The following NRK variants were observed in gnomAD, a reference collection of about 807,000 sequenced individuals.
NRK encodes nik-related protein kinase.
A neutral mutation model predicts 125.2 loss-of-function variants in NRK; 67 were observed. The ratio of observed to expected loss-of-function variants is 0.54; its 90% CI spans 0.44 to 0.66. The LOEUF (loss-of-function observed/expected upper bound fraction) is 0.66. Among genes scored for constraint, NRK ranks in the 30% least tolerant of loss-of-function variants. The probability of loss-of-function intolerance (pLI) is 0.00; values close to 1 mark genes in which losing one functional copy is unlikely to be tolerated. For synonymous variants in NRK, 458 were observed against 429.0 expected, an observed-to-expected ratio of 1.07 and a Z score of -0.84; for missense variants, 1,224 against 1,192.9, an observed-to-expected ratio of 1.03 and a Z score of -0.38.
At chrX:105,822,369 TA>T (rs1225377068), upstream of NRK, among the ~76,000 whole-genome samples, 1 of 111,896 alleles carries the variant, frequency 8.9e-6, no homozygotes, top group Non-Finnish European at 1.9e-5. Flanking sequence ...CAAACCGTTA[TA>T]GTCCTTCAGC....
chrX:105,823,163 A>C (rs2039046397), intron 1 of NRK, among the ~76,000 whole-genome samples: 1 of 112,313 alleles, frequency 8.9e-6, no homozygotes, highest in Non-Finnish European at 1.9e-5. Context: ...GGTGCTGCGG[A>C]CCCTAAACAG....
intron 5 of NRK, among the ~76,000 whole-genome samples, chrX:105,893,453 G>A (rs948935724): frequency 4.5e-5 from 5 of 111,664 alleles, no homozygotes; most frequent in African/African-American, 1.6e-4. Flanking sequence ...TCCCATTCCA[G>A]TCGTCACTTA....
At chrX:105,897,042 G>GA (rs1211477654) in intron 7 of NRK, among the ~76,000 whole-genome samples, 1 of 112,047 alleles carries the variant, frequency 8.9e-6, no homozygotes, top group East Asian at 2.8e-4. Context: ...GTATGTAAAT[G>GA]AAAAACCACT....
At chrX:105,876,998 G>T (rs758837540) in intron 2 of NRK, among the ~76,000 whole-genome samples, 1 of 111,660 alleles carries the variant, frequency 9.0e-6, no homozygotes, top group Non-Finnish European at 1.9e-5. Flanking sequence ...GAGTATGAAA[G>T]GGAAAAATAA....
chrX:105,902,146 G>A (rs1011339425), intron 9 of NRK, among the ~76,000 whole-genome samples: 1 of 109,702 alleles, frequency 9.1e-6, no homozygotes, highest in Admixed American at 9.8e-5. Context: ...ATTAAGTTAC[G>A]GGAAAAAGTA....
rs962945721 is a variant in NRK at position 105,833,496 on chromosome X, G to C, written c.123+2377G>C. The stretch of plus-strand genomic sequence containing the variant: ...ATACTTGTTCTGATTCAAATGTATA[G>C]AGCCACCAGATGTGAGAAATAAAAG... On this transcript the variant is annotated intron_variant, in intron 2 of 28. Coordinates refer to ENST00000243300, the MANE Select transcript of NRK (RefSeq NM_198465.4). Among the ~76,000 whole-genome samples, 7 of 110,918 alleles carry C rather than the reference G, an allele frequency of 6.3e-5. No individual in the cohort carries two copies. The East Asian group carries it at 2.0e-3, about 32-fold the overall frequency.
chrX:105,856,325 C>T (rs2039531527), intron 2 of NRK, among the ~76,000 whole-genome samples: 2 of 111,769 alleles, frequency 1.8e-5, no homozygotes, highest in Admixed American at 1.9e-4. Flanking sequence ...GACACTAATG[C>T]TCCTTGAATG....
At chrX:105,916,070 A>G (rs899207658) in intron 15 of NRK, among the ~76,000 whole-genome samples, 2 of 111,042 alleles carry the variant, frequency 1.8e-5, no homozygotes, top group South Asian at 7.4e-4. Context: ...AATAACAAAT[A>G]CTTTGACAGT....
rs2039039674 is a variant in NRK, at chrX:105,822,855, C to T, written c.10C>T (p.Pro4Ser). 8.5e-7 allele frequency: 1 copy of T among 1,170,507 alleles called. No homozygotes were observed. The highest frequency in any genetic ancestry group is 1.1e-6 in the Non-Finnish European group (1 of 874,400). Residue 4 changes from proline to serine, a missense_variant, in exon 1 of 29, where the codon CCT becomes TCT. Coordinates refer to ENST00000243300, the MANE Select transcript of NRK (RefSeq NM_198465.4). ...TCGGCTCCTCGAAGCCATGGCGGGA[C>T]CTGGGGGCTGGAGGGACAGGGAGGT... MAG[P>S]GGWRDREVTD...
intron 27 of NRK, among the ~76,000 whole-genome samples, chrX:105,950,477 C>T (rs972072812): frequency 3.0e-5 from 3 of 98,508 alleles, no homozygotes; most frequent in Non-Finnish European, 6.1e-5. Context: ...TGGAGGATAG[C>T]TATTATAGAA....
chrX:105,889,147 A>C, intron 5 of NRK, among the ~76,000 whole-genome samples: 1 of 112,734 alleles, frequency 8.9e-6, no homozygotes, highest in Non-Finnish European at 1.9e-5. Flanking sequence ...CATTGGGTAA[A>C]TATGCCTGCT....
intron 23 of NRK, among the ~76,000 whole-genome samples, chrX:105,942,744 G>A (rs1410654369): frequency 9.1e-6 from 1 of 110,407 alleles, no homozygotes; most frequent in Non-Finnish European, 1.9e-5. Context: ...TCAGCCTCCC[G>A]AGTAGCTGAG....
intron 5 of NRK, among the ~76,000 whole-genome samples, chrX:105,893,020 A>G (rs1008843520): frequency 3.6e-5 from 4 of 111,808 alleles, no homozygotes; most frequent in African/African-American, 1.3e-4. Flanking sequence ...AAATATTGCT[A>G]GGATAATTAT....
intron 2 of NRK, among the ~76,000 whole-genome samples, chrX:105,841,565 T>C (rs1161603455): frequency 9.0e-6 from 1 of 111,300 alleles, no homozygotes; most frequent in African/African-American, 3.3e-5. Flanking sequence ...GGTTAGATTG[T>C]TCAGGGTCCC....
In NRK at chrX:105,955,526, C is replaced by T. The variant is rs201279660; in HGVS notation, c.4675C>T (p.Arg1559Cys). ...CAAGCTGTTCTTTACCTCTACCCTGCGCAATCACCACAGCCGGGTTTACTT... is the reference window on the plus strand; with the variant it reads ...CAAGCTGTTCTTTACCTCTACCCTGTGCAATCACCACAGCCGGGTTTACTT... ...GDKLFFTSTL[R>C]NHHSRVYFMT... Residue 1559 changes from arginine to cysteine, a missense_variant, in exon 29 of 29, where the codon CGC becomes TGC. Coordinates refer to ENST00000243300, the MANE Select transcript of NRK (RefSeq NM_198465.4). The T allele has an allele frequency of 1.7e-5, 20 of 1,187,064 alleles. No homozygotes were observed. Among genetic ancestry groups the T allele is most frequent in the African/African-American group, 7.1e-5 (4 of 56,723 alleles).
chrX:105,896,282 A>T (rs2040081992), intron 7 of NRK, among the ~76,000 whole-genome samples: 1 of 111,949 alleles, frequency 8.9e-6, no homozygotes, highest in Non-Finnish European at 1.9e-5. Context: ...GATATAGAGG[A>T]TAAGTCACTT....
In NRK at chrX:105,909,697, T is replaced by C. The variant is rs1206561416; in HGVS notation, c.2056T>C (p.Ser686Pro). The C allele has an allele frequency of 8.4e-7, 1 of 1,185,269 alleles. No individual in the cohort carries two copies. Among genetic ancestry groups the C allele is most frequent in the Non-Finnish European group, 1.1e-6 (1 of 881,657 alleles). Residue 686 changes from serine (S) to proline (P), a missense_variant, in exon 13 of 29, where the codon TCA becomes CCA. By Grantham distance (74) the Ser-to-Pro change is moderately conservative. Coordinates refer to ENST00000243300, the MANE Select transcript of NRK (RefSeq NM_198465.4). Reference sequence around the variant, plus strand: ...ACCAGAACAGGCACGGGAGAAAAAATCAAAAGTTTCTACTCTGAGGCAAGC... The same window carrying C: ...ACCAGAACAGGCACGGGAGAAAAAACCAAAAGTTTCTACTCTGAGGCAAGC... ...SQPEQAREKK[S>P]KVSTLRQALA...
chrX:105,946,988 G>C (rs1349416142), intron 26 of NRK, among the ~76,000 whole-genome samples: 1 of 111,791 alleles, frequency 8.9e-6, no homozygotes, highest in South Asian at 3.7e-4. Context: ...TACAACACCA[G>C]TATTGCAGCA....
At position 105,893,955 on chromosome X, in the gene NRK, A is replaced by G; in HGVS notation, c.489+13A>G. On this transcript the variant is annotated intron_variant, in intron 6 of 28. Coordinates refer to ENST00000243300, the MANE Select transcript of NRK (RefSeq NM_198465.4). ...AGAAATCCTTCAGGTGAGTCTTCAT[A>G]CAGTCATTCTCTTCTGATCTTTTAA... 5.4e-6 allele frequency: 5 copies of G among 926,669 alleles called. No homozygotes were observed. Among genetic ancestry groups the G allele is most frequent in the Non-Finnish European group, 7.8e-6 (5 of 639,085 alleles). 76.4% of individuals were successfully genotyped at this position (926,669 alleles called of 1,213,427 possible).
Sources: allele counts gnomAD v4.1 joint callset (sites outside exome capture counted in the v4.1 genomes callset), GRCh38; gene constraint gnomAD v4.1.1; transcripts MANE v1.5; gene names NCBI Gene and HGNC (gene_info 2026-07-23, HGNC 2026-07-21).